CRYZL1: variants seen among roughly 807,000 people sequenced by gnomAD.
The protein encoded by CRYZL1 is ferry endosomal RAB5 effector complex subunit 4.
A neutral mutation model predicts 50.6 loss-of-function variants in CRYZL1; 34 were observed. The observed-to-expected ratio is 0.67, with a 90% CI of 0.51 to 0.89. The LOEUF (loss-of-function observed/expected upper bound fraction) is 0.89. CRYZL1 is among the 40% of genes least tolerant of loss of function. The pLI, the probability that CRYZL1 is intolerant of heterozygous loss-of-function variation, is 0.00. For synonymous variants in CRYZL1, 125 were observed against 134.3 expected (o/e 0.93, Z 0.48); for missense variants, 354 against 402.3 (o/e 0.88, Z 1.03).
At chr21:33,592,444 AT>A (rs1200835266) in intron 11 of CRYZL1, among the ~76,000 whole-genome samples, 1 of 152,038 alleles carries the variant, frequency 6.6e-6, no homozygotes, top group Non-Finnish European at 1.5e-5. Context: ...GCCTCCAAAT[AT>A]TTTTGATCCT....
chr21:33,624,589 C>T, intron 3 of CRYZL1, 94 bp downstream of exon 3: 1 of 1,529,472 alleles, frequency 6.5e-7, no homozygotes, highest in Non-Finnish European at 8.7e-7. Flanking sequence ...GTAATAAATT[C>T]TTCACATTGA....
chr21:33,613,842 G>A (rs141091573), intron 5 of CRYZL1, among the ~76,000 whole-genome samples: 30 of 152,282 alleles, frequency 2.0e-4, no homozygotes, highest in Non-Finnish European at 3.4e-4. Flanking sequence ...ATAGAACAAA[G>A]TCAGAGTCTT....
Position 33,624,704 on chromosome 21 carries a change from A to G in CRYZL1, c.123T>C (p.Ala41=), listed in dbSNP as rs757226936. 2.5e-6 allele frequency: 4 copies of G among 1,600,776 alleles called. No homozygotes were observed. The South Asian group carries it at 3.4e-5, about 14-fold the overall frequency. Residue 41 remains alanine (A), a synonymous_variant, in exon 3 of 13, where the codon GCT becomes GCC. Transcript: ENST00000381554. ...NFVKLQVKAC[A]LSQINTKLLA... is the part of the protein sequence containing the mutation. Reference sequence around the variant, plus strand: ...ATACCTTTGTATTTATCTGGCTCAGAGCACAAGCTTTAACTTGAAGTTTCA... The same window carrying G: ...ATACCTTTGTATTTATCTGGCTCAGGGCACAAGCTTTAACTTGAAGTTTCA...
rs1381637114 is a variant in CRYZL1 at position 33,606,364 on chromosome 21, A to T, written c.332-2827T>A. On this transcript the variant is annotated intron_variant, in intron 6 of 12. Coordinates refer to ENST00000381554, the MANE Select transcript of CRYZL1 (RefSeq NM_145858.3). The stretch of plus-strand genomic sequence containing the variant: ...ACTGCGGCCAGGCAAGGTGGCTCAC[A>T]CCTGTAATCCCAGCACTTTGGGAGG... 1.8e-4 allele frequency among the ~76,000 whole-genome samples: 27 copies of T among 152,172 alleles called. 1 individual carries two copies. Among genetic ancestry groups the T allele is most frequent in the Non-Finnish European group, 1.5e-5 (1 of 68,014 alleles).
intron 2 of CRYZL1, among the ~76,000 whole-genome samples, chr21:33,630,148 T>A (rs2087120566): frequency 6.6e-6 from 1 of 152,108 alleles, no homozygotes; most frequent in South Asian, 2.1e-4. Context: ...TCATCCCCAT[T>A]AGAATGGCTA....
chr21:33,600,457 T>C (rs935086528), intron 8 of CRYZL1, among the ~76,000 whole-genome samples: 1 of 152,136 alleles, frequency 6.6e-6, no homozygotes, highest in Non-Finnish European at 1.5e-5. Flanking sequence ...CTGAAGAGAA[T>C]TCCTCTTAGA....
intron 8 of CRYZL1, among the ~76,000 whole-genome samples, chr21:33,600,751 G>A (rs2086742915): frequency 1.3e-5 from 2 of 150,068 alleles, no homozygotes; most frequent in Admixed American, 6.7e-5. Flanking sequence ...TCAGCCTCCC[G>A]AGTAGCTGGG....
chr21:33,593,380 A>G (rs1262347650), intron 11 of CRYZL1, among the ~76,000 whole-genome samples: 1 of 152,062 alleles, frequency 6.6e-6, no homozygotes, highest in African/African-American at 2.4e-5. Context: ...TGCTGGGATT[A>G]CAGGCGTGAG....
chr21:33,604,164 G>A (rs370089234), intron 6 of CRYZL1, among the ~76,000 whole-genome samples: 9 of 152,010 alleles, frequency 5.9e-5, no homozygotes, highest in Non-Finnish European at 8.8e-5. Context: ...TCAGGAGATC[G>A]AGACCACGGT....
chr21:33,607,487 C>G (rs1394561969), intron 6 of CRYZL1, among the ~76,000 whole-genome samples: 1 of 151,808 alleles, frequency 6.6e-6, no homozygotes, highest in Non-Finnish European at 1.5e-5. Context: ...AAAAAGTTAG[C>G]CAGACATGGT....
chr21:33,611,057 C>T lies in CRYZL1; in HGVS notation c.331+2481G>A, dbSNP rs577416708. ...ATTGTTGTTGTTTTTAATAATTTAT[C>T]TTCTATAGCAATTTAGTTTTGGTTA... is the stretch of plus-strand genomic sequence containing the variant. On this transcript the variant is annotated intron_variant, in intron 6 of 12. Coordinates refer to ENST00000381554, the MANE Select transcript of CRYZL1 (RefSeq NM_145858.3). Among the ~76,000 whole-genome samples the T allele has an allele frequency of 4.7e-4, 71 of 152,176 alleles. 1 individual carries two copies. Among genetic ancestry groups the T allele is most frequent in the African/African-American group, 1.7e-3 (71 of 41,524 alleles).
chr21:33,614,490 A>G (rs2086906222), intron 5 of CRYZL1, among the ~76,000 whole-genome samples: 1 of 152,224 alleles, frequency 6.6e-6, no homozygotes, highest in East Asian at 1.9e-4. Flanking sequence ...ATTCTGTCTC[A>G]AACTAAGAAA....
In CRYZL1 at chr21:33,626,789, A is replaced by T. The variant is rs1216749829; in HGVS notation, c.67-2029T>A. On this transcript the variant is annotated intron_variant, in intron 2 of 12. Coordinates refer to ENST00000381554, the MANE Select transcript of CRYZL1 (RefSeq NM_145858.3). Reference sequence around the variant, plus strand: ...GTCATCCACCTATATTATTAAATACAGTATCACCTCATCTAAACAACTGAA... The same window carrying T: ...GTCATCCACCTATATTATTAAATACTGTATCACCTCATCTAAACAACTGAA... Among the ~76,000 whole-genome samples the T allele has an allele frequency of 2.6e-5, 4 of 152,142 alleles. No individual in the cohort carries two copies. The South Asian group carries it at 6.2e-4, about 24-fold the overall frequency.
intron 4 of CRYZL1, among the ~76,000 whole-genome samples, chr21:33,617,536 C>G (rs543373247): frequency 6.6e-6 from 1 of 152,076 alleles, no homozygotes; most frequent in Non-Finnish European, 1.5e-5. Flanking sequence ...TTTATTTGGC[C>G]GGGAGCTTCG....
At chr21:33,600,521 G>A (rs1220079378) in intron 8 of CRYZL1, among the ~76,000 whole-genome samples, 3 of 152,044 alleles carry the variant, frequency 2.0e-5, no homozygotes, top group African/African-American at 7.2e-5. Context: ...TTGGAGGCAA[G>A]GAGGAAGAGG....
At chr21:33,606,543 T>C (rs566372548) in intron 6 of CRYZL1, among the ~76,000 whole-genome samples, 61 of 151,920 alleles carry the variant, frequency 4.0e-4, no homozygotes, top group African/African-American at 1.5e-3. Context: ...GGAGAATCGC[T>C]TGAACCCAGG....
At chr21:33,636,532 T>C (rs923637628) in intron 1 of CRYZL1, among the ~76,000 whole-genome samples, 2 of 152,186 alleles carry the variant, frequency 1.3e-5, no homozygotes, top group Non-Finnish European at 2.9e-5. Flanking sequence ...AATTTTTATA[T>C]TGGCCATACA....
At chr21:33,594,493 A>C (rs1390928392) in intron 11 of CRYZL1, 1 of 152,024 alleles carries the variant, frequency 6.6e-6, no homozygotes, top group Non-Finnish European at 1.5e-5. Context: ...TTAATTAAAA[A>C]TCCTTTTAGA....
At chr21:33,637,412 T>C (rs2087221084) in intron 1 of CRYZL1, among the ~76,000 whole-genome samples, 1 of 142,768 alleles carries the variant, frequency 7.0e-6, no homozygotes, top group African/African-American at 2.7e-5. Context: ...GCCACTGCAC[T>C]CCAGCCTGGG....
Sources: gnomAD v4.1 joint callset for allele counts (sites outside exome capture counted in the v4.1 genomes callset) on GRCh38, gnomAD v4.1.1 for gene constraint, MANE v1.5 for transcripts, NCBI Gene and HGNC (gene_info 2026-07-23, HGNC 2026-07-21) for gene names.